The following PCSK5 variants were observed in gnomAD, a reference collection of about 807,000 sequenced individuals.
PCSK5 encodes prohormone convertase 5.
In PCSK5, 129 loss-of-function variants were observed where a neutral mutation model predicts 233.2. That is an observed-to-expected ratio of 0.55 (90% CI 0.48 to 0.64). The LOEUF (loss-of-function observed/expected upper bound fraction) is 0.64. Among genes scored for constraint, PCSK5 ranks in the 30% least tolerant of loss-of-function variants. The pLI is 0.00. For missense variants in PCSK5, 2,076 were observed against 2,430.1 expected (o/e 0.85, Z 3.06); for synonymous variants, 825 against 879.2 (o/e 0.94, Z 1.09).
At chr9:75,900,317 A>G (rs1825970895) in intron 1 of PCSK5, among the ~76,000 whole-genome samples, 1 of 152,182 alleles carries the variant, frequency 6.6e-6, no homozygotes, top group Admixed American at 6.5e-5. Flanking sequence ...TGTGAGGATG[A>G]GTTAAAAGTA....
Position 76,079,122 on chromosome 9 carries a change from A to T in PCSK5, c.894+7224A>T, listed in dbSNP as rs564240052. 3.3e-5 allele frequency among the ~76,000 whole-genome samples: 5 copies of T among 151,096 alleles called. No homozygotes were observed. The South Asian group carries it at 1.0e-3, about 32-fold the overall frequency. Reference sequence around the variant, plus strand: ...ATTGCATTTTTTTTTTTAAATCGAGATGGAGTTCACCCTGTCACCCAGGTT... The same window carrying T: ...ATTGCATTTTTTTTTTTAAATCGAGTTGGAGTTCACCCTGTCACCCAGGTT... On this transcript the variant is annotated intron_variant, in intron 7 of 37. Coordinates refer to ENST00000674117, the MANE Select transcript of PCSK5 (RefSeq NM_001372043.1).
chr9:75,967,703 T>C (rs796223512), intron 2 of PCSK5, among the ~76,000 whole-genome samples: 1 of 152,038 alleles, frequency 6.6e-6, no homozygotes, highest in Non-Finnish European at 1.5e-5. Context: ...GCTAAAGACA[T>C]GTCATTTGGT....
At chr9:76,032,820 T>G (rs1828704609) in intron 5 of PCSK5, among the ~76,000 whole-genome samples, 1 of 152,218 alleles carries the variant, frequency 6.6e-6, no homozygotes, top group African/African-American at 2.4e-5. Context: ...CCTAGGTTAC[T>G]TCCTTTTAGA....
At chr9:75,933,025 G>A (rs1564091419) in intron 2 of PCSK5, among the ~76,000 whole-genome samples, 1 of 152,136 alleles carries the variant, frequency 6.6e-6, no homozygotes, top group Non-Finnish European at 1.5e-5. Context: ...TGCTCTTGGG[G>A]CCTCATCAGG....
At chr9:76,113,065 G>A (rs1339233) in intron 9 of PCSK5, among the ~76,000 whole-genome samples, 4 of 151,852 alleles carry the variant, frequency 2.6e-5, no homozygotes, top group South Asian at 4.1e-4. Context: ...TACTTTTACC[G>A]TCCATATCCT....
intron 9 of PCSK5, among the ~76,000 whole-genome samples, chr9:76,130,346 T>C (rs1288608594): frequency 3.3e-5 from 5 of 152,202 alleles, no homozygotes; most frequent in Admixed American, 2.6e-4. Context: ...GACAAATAGA[T>C]GTGTGTCTCT....
chr9:75,947,022 A>C (rs1271188645), intron 2 of PCSK5, among the ~76,000 whole-genome samples: 1 of 152,212 alleles, frequency 6.6e-6, no homozygotes. Context: ...TTATCTATTC[A>C]GCTATGCATA....
At chr9:76,213,612 C>A (rs1223830953) in intron 20 of PCSK5, among the ~76,000 whole-genome samples, 2 of 152,066 alleles carry the variant, frequency 1.3e-5, no homozygotes, top group African/African-American at 4.8e-5. Context: ...CTCCCTTGAC[C>A]AGGGTGATCT....
At chr9:76,284,338 C>G (rs1380376488) in intron 24 of PCSK5, among the ~76,000 whole-genome samples, 2 of 151,948 alleles carry the variant, frequency 1.3e-5, no homozygotes, top group African/African-American at 4.8e-5. Context: ...GCAGGTTTTT[C>G]CCATGCTGTT....
rs1337049020 is a variant in PCSK5 at position 75,902,239 on chromosome 9, AAAAAG to A, written c.192+10872_192+10876del. Among the ~76,000 whole-genome samples, 1,360 of 142,896 alleles carry A rather than the reference AAAAAG, an allele frequency of 9.5e-3. 77 individuals are homozygous for A. The highest frequency in any genetic ancestry group is 0.037 in the African/African-American group (1,290 of 35,292). 93.7% of individuals were successfully genotyped at this position (142,896 alleles called of 152,430 possible). On this transcript the variant is annotated intron_variant, in intron 1 of 37. Coordinates refer to ENST00000674117, the MANE Select transcript of PCSK5 (RefSeq NM_001372043.1). ...TAAAAAAAAAAAAAAAAAAAAAAAA[AAAAAG>A]AAAAGGACAAAACAAGGAGTTTGAA...
chr9:76,082,038 C>G (rs934545006), intron 7 of PCSK5, among the ~76,000 whole-genome samples: 6 of 149,970 alleles, frequency 4.0e-5, no homozygotes, highest in African/African-American at 1.5e-4. Flanking sequence ...TTTTTTTTTT[C>G]TCTTTAAAAC....
At chr9:76,179,532 C>T (rs559381284) in intron 14 of PCSK5, 64 bp from the exon 15 acceptor site, 415 of 1,143,684 alleles carry the variant, frequency 3.6e-4, no homozygotes, top group Non-Finnish European at 5.0e-4. Context: ...ATACCAAATT[C>T]AAGGTAAAGC....
chr9:75,987,773 A>G (rs1292564395), intron 3 of PCSK5, among the ~76,000 whole-genome samples: 1 of 152,198 alleles, frequency 6.6e-6, no homozygotes, highest in Non-Finnish European at 1.5e-5. Context: ...GGCAGGAGCT[A>G]AGGAGCTTTG....
intron 3 of PCSK5, among the ~76,000 whole-genome samples, chr9:75,995,744 TACACACACACACAC>T (rs35132294): frequency 0.11 from 16,201 of 146,034 alleles, 1,067 homozygotes; most frequent in Middle Eastern, 0.22. Context: ...GATTCATTCA[TACACACACACACAC>T]ACACACACAC....
chr9:76,236,618 G>A (rs1364741135), intron 22 of PCSK5, among the ~76,000 whole-genome samples: 3 of 152,132 alleles, frequency 2.0e-5, no homozygotes, highest in Non-Finnish European at 4.4e-5. Flanking sequence ...AACTAATTGA[G>A]CAGGGCTACT....
At chr9:76,136,042 C>T (rs1316959894) in intron 10 of PCSK5, among the ~76,000 whole-genome samples, 3 of 151,890 alleles carry the variant, frequency 2.0e-5, no homozygotes, top group Non-Finnish European at 4.4e-5. Flanking sequence ...TACTATTGCA[C>T]GTGGCAATAT....
intron 30 of PCSK5, among the ~76,000 whole-genome samples, chr9:76,314,894 C>A (rs775640756): frequency 5.9e-5 from 9 of 151,476 alleles, no homozygotes; most frequent in Non-Finnish European, 4.4e-5. Flanking sequence ...ACCACCGTGG[C>A]CTCCCAAAGT....
chr9:76,187,231 A>AAAAC (rs1824146936), intron 17 of PCSK5, among the ~76,000 whole-genome samples: 1 of 152,214 alleles, frequency 6.6e-6, no homozygotes, highest in South Asian at 2.1e-4. Context: ...TAAAGAGTTT[A>AAAAC]AAACAATGGA....
At chr9:76,259,854 G>A (rs1186790628) in intron 24 of PCSK5, among the ~76,000 whole-genome samples, 2 of 152,014 alleles carry the variant, frequency 1.3e-5, no homozygotes, top group African/African-American at 2.4e-5. Context: ...TTTCAACCCA[G>A]TCTATGGGTC....
Sources: allele counts gnomAD v4.1 joint callset (sites outside exome capture counted in the v4.1 genomes callset), GRCh38; gene constraint gnomAD v4.1.1; transcripts MANE v1.5; gene names NCBI Gene and HGNC (gene_info 2026-07-23, HGNC 2026-07-21).